Variants in NECAP2 observed in about 807,000 individuals in gnomAD.
NECAP2 encodes adaptin ear-binding coat-associated protein 2.
In NECAP2, 38 loss-of-function variants were observed where a neutral mutation model predicts 37.8. That is an observed-to-expected ratio of 1.01 (90% CI 0.78 to 1.32). NECAP2 has a LOEUF of 1.32. Among genes scored for constraint, NECAP2 ranks in the 40% most tolerant of loss-of-function variants. The pLI is 0.00. For missense variants in NECAP2, 316 were observed against 334.5 expected, an observed-to-expected ratio of 0.94 and a Z score of 0.43; for synonymous variants, 121 against 127.7, an observed-to-expected ratio of 0.95 and a Z score of 0.35.
intron 7 of NECAP2, 125 bp from the exon 8 acceptor site, chr1:16,458,717 C>T: frequency 1.1e-6 from 1 of 942,716 alleles, no homozygotes; most frequent in East Asian, 2.5e-5. Flanking sequence ...TTGCTGACTG[C>T]TGCTCTAGAA....
At chr1:16,446,902 A>T (rs1436330068) in intron 2 of NECAP2, among the ~76,000 whole-genome samples, 1 of 151,966 alleles carries the variant, frequency 6.6e-6, no homozygotes, top group Non-Finnish European at 1.5e-5. Flanking sequence ...TCTACTAAAA[A>T]TACAAAAATT....
At chr1:16,457,703 T>A (rs2086941067) in intron 7 of NECAP2, among the ~76,000 whole-genome samples, 1 of 149,142 alleles carries the variant, frequency 6.7e-6, no homozygotes, top group Non-Finnish European at 1.5e-5. Context: ...AATATAGTAA[T>A]TCTGTTTTTT....
chr1:16,453,109 CTT>C (rs977932724), intron 6 of NECAP2, among the ~76,000 whole-genome samples: 21 of 141,442 alleles, frequency 1.5e-4, no homozygotes, highest in Non-Finnish European at 9.3e-5. Context: ...ATTCTTGTGT[CTT>C]TTTTTTTTTT....
chr1:16,455,615 G>A, intron 6 of NECAP2: 1 of 581,308 alleles, frequency 1.7e-6, no homozygotes, highest in South Asian at 2.1e-5. Flanking sequence ...GAGCGCACAA[G>A]GGCTGGTGAG....
At chr1:16,444,590 A>G (rs1368277523) in intron 2 of NECAP2, among the ~76,000 whole-genome samples, 1 of 152,072 alleles carries the variant, frequency 6.6e-6, no homozygotes, top group East Asian at 1.9e-4. Context: ...AGATTGTTGG[A>G]GAATAGGAAG....
chr1:16,444,461 C>T (rs1326903139), intron 2 of NECAP2, among the ~76,000 whole-genome samples: 2 of 152,244 alleles, frequency 1.3e-5, no homozygotes, highest in Admixed American at 6.5e-5. Context: ...AGAGAACTGG[C>T]TGCCTCTTCT....
rs777105429 is a variant in NECAP2, at chr1:16,440,809, C to T, written c.48C>T (p.Val16=). The T allele has an allele frequency of 6.2e-7, 1 of 1,614,176 alleles. No individual in the cohort carries two copies. The highest frequency in any genetic ancestry group is 8.5e-7 in the Non-Finnish European group (1 of 1,180,002). Residue 16 remains valine, a synonymous_variant, in exon 1 of 8, where the codon GTC becomes GTT. Transcript: ENST00000337132. ...YESVLCVKPD[V]HVYRIPPRAT... Reference sequence around the variant, plus strand: ...CGGTGCTCTGTGTCAAGCCTGACGTCCACGTCTACCGCATCCCTCCGCGGG... The same window carrying T: ...CGGTGCTCTGTGTCAAGCCTGACGTTCACGTCTACCGCATCCCTCCGCGGG...
intron 4 of NECAP2, 156 bp downstream of exon 4, chr1:16,448,297 G>T: frequency 1.4e-6 from 1 of 728,388 alleles, no homozygotes; most frequent in Non-Finnish European, 2.4e-6. Flanking sequence ...CTCTGCCAAT[G>T]TTCATCTCTG....
rs535843384 is a variant in NECAP2 at position 16,448,369 on chromosome 1, C to T, written c.380+228C>T. 5 of 574,408 alleles carry T rather than the reference C, an allele frequency of 8.7e-6. No individual in the cohort carries two copies. In the Admixed American group the frequency reaches 1.5e-4, roughly 17 times the overall value. 35.6% of individuals were successfully genotyped at this position (574,408 alleles called of 1,614,324 possible). On this transcript the variant is annotated intron_variant, in intron 4 of 7. Coordinates refer to ENST00000337132, the MANE Select transcript of NECAP2 (RefSeq NM_018090.5). ...ACCATCCCAGCCTTCGGGCCTGCCA[C>T]CTGTCTCCCCTTACCAGTCCCCTGA...
intron 7 of NECAP2, 21 bp from the exon 8 acceptor site, chr1:16,458,820 CT>C (rs1367568283): frequency 6.2e-7 from 1 of 1,612,982 alleles, no homozygotes. Flanking sequence ...CTCCCCCACC[CT>C]TCCCTGTCTT....
intron 2 of NECAP2, 58 bp from the exon 3 acceptor site, chr1:16,447,812 A>G (rs2086784587): frequency 2.7e-6 from 4 of 1,462,052 alleles, no homozygotes; most frequent in Non-Finnish European, 3.8e-6. Context: ...AGTGTGGTAG[A>G]AAACCTTGGC....
At chr1:16,452,546 G>A (rs1486552452) in intron 6 of NECAP2, among the ~76,000 whole-genome samples, 1 of 152,166 alleles carries the variant, frequency 6.6e-6, no homozygotes, top group Non-Finnish European at 1.5e-5. Flanking sequence ...GACACCTGGT[G>A]TATTTAGGGA....
Position 16,459,123 on chromosome 1 carries a change from A to G in NECAP2, c.*233A>G. 1 of 901,656 alleles carries G rather than the reference A, an allele frequency of 1.1e-6. No individual in the cohort carries two copies. The highest frequency in any genetic ancestry group is 1.6e-6 in the Non-Finnish European group (1 of 607,840). 55.9% of individuals were successfully genotyped at this position (901,656 alleles called of 1,614,324 possible). A position where few individuals can be genotyped will look rare whatever the true frequency, so the allele number is the denominator to read the frequency against. ...CAGAACACAGGAGAAGAAAAGCTCC[A>G]GGATCCCTGTCCCCATCTGTCCTCT... is the stretch of plus-strand genomic sequence containing the variant. On this transcript the variant is annotated 3_prime_UTR_variant, in exon 8 of 8. Coordinates refer to ENST00000337132, the MANE Select transcript of NECAP2 (RefSeq NM_018090.5).
chr1:16,458,053 G>GA (rs2086954353), intron 7 of NECAP2, among the ~76,000 whole-genome samples: 2 of 152,056 alleles, frequency 1.3e-5, no homozygotes, highest in South Asian at 4.2e-4. Context: ...TCAAATCCTA[G>GA]AAAACGCAGC....
At chr1:16,451,200 T>C (rs2086837136) in intron 5 of NECAP2, 1 of 152,234 alleles carries the variant, frequency 6.6e-6, no homozygotes, top group Admixed American at 6.5e-5. Flanking sequence ...GAGTCATCCA[T>C]GGTGTTGCGT....
intron 2 of NECAP2, among the ~76,000 whole-genome samples, chr1:16,446,034 C>T (rs2086755746): frequency 6.6e-6 from 1 of 151,972 alleles, no homozygotes; most frequent in African/African-American, 2.4e-5. Flanking sequence ...CACGGAGAAA[C>T]CTTGCCTCTA....
chr1:16,458,553 T>C (rs566016537), intron 7 of NECAP2, among the ~76,000 whole-genome samples: 1 of 151,640 alleles, frequency 6.6e-6, no homozygotes, highest in African/African-American at 2.4e-5. Flanking sequence ...AGTGTGCCAC[T>C]GCATTCCAGC....
At chr1:16,454,895 T>G (rs925411600) in intron 6 of NECAP2, among the ~76,000 whole-genome samples, 1 of 152,240 alleles carries the variant, frequency 6.6e-6, no homozygotes, top group Non-Finnish European at 1.5e-5. Flanking sequence ...TGTGGATATT[T>G]AATCTTCACA....
chr1:16,446,564 T>C (rs1016740606), intron 2 of NECAP2, among the ~76,000 whole-genome samples: 1 of 151,700 alleles, frequency 6.6e-6, no homozygotes, highest in African/African-American at 2.4e-5. Context: ...CCTGTTTCTT[T>C]CTTTTTTTTT....
Sources: gnomAD v4.1 joint callset for allele counts (sites outside exome capture counted in the v4.1 genomes callset) on GRCh38, gnomAD v4.1.1 for gene constraint, MANE v1.5 for transcripts, NCBI Gene and HGNC (gene_info 2026-07-23, HGNC 2026-07-21) for gene names.